The following GREM2 variants were observed in gnomAD, a reference collection of about 807,000 sequenced individuals.
GREM2 encodes gremlin 2, DAN family BMP antagonist, also known as gremlin-2.
GREM2 carries 11 observed loss-of-function variants against 14.2 expected under a neutral mutation model. That is an observed-to-expected ratio of 0.78 (90% confidence interval 0.49 to 1.28). The LOEUF (loss-of-function observed/expected upper bound fraction) is 1.28. GREM2 is among the 50% of genes most tolerant of loss of function. GREM2 has a pLI of 0.00. For missense variants in GREM2, 210 were observed against 218.5 expected (o/e 0.96, Z 0.24); for synonymous variants, 98 against 97.6 (o/e 1.00, Z -0.02).
intron 1 of GREM2, among the ~76,000 whole-genome samples, chr1:240,586,741 G>T (rs892801302): frequency 6.6e-6 from 1 of 152,146 alleles, no homozygotes; most frequent in Non-Finnish European, 1.5e-5. Flanking sequence ...AAAGAGAGTT[G>T]AAAAAGAGTT....
intron 1 of GREM2, among the ~76,000 whole-genome samples, chr1:240,562,947 T>C (rs1679086792): frequency 7.2e-6 from 1 of 139,484 alleles, no homozygotes; most frequent in African/African-American, 3.1e-5. Context: ...AGTGTGTGAG[T>C]GTGTATGTGT....
At chr1:240,533,402 T>C (rs1374390488) in intron 1 of GREM2, among the ~76,000 whole-genome samples, 3 of 152,220 alleles carry the variant, frequency 2.0e-5, no homozygotes, top group Admixed American at 1.3e-4. Flanking sequence ...GCATGATAAA[T>C]ACTTGGAGCT....
chr1:240,534,671 C>T (rs948834324), intron 1 of GREM2, among the ~76,000 whole-genome samples: 4 of 143,184 alleles, frequency 2.8e-5, no homozygotes, highest in Non-Finnish European at 6.0e-5. Flanking sequence ...CCAGCCTGGG[C>T]GACAGAGCGA....
At position 240,597,795 on chromosome 1, in the gene GREM2, G is replaced by A. The variant is rs142270669; in HGVS notation, c.-2+14089C>T. Among the ~76,000 whole-genome samples the A allele has an allele frequency of 1.1e-3, 166 of 152,234 alleles. 1 individual carries two copies. Among genetic ancestry groups the A allele is most frequent in the African/African-American group, 3.8e-3 (157 of 41,564 alleles). Reference sequence around the variant, plus strand: ...CTTTGTTAGATTTTTTAAATTAACAGAGCCTTACTTTCAAATCTCCATGCC... The same window carrying A: ...CTTTGTTAGATTTTTTAAATTAACAAAGCCTTACTTTCAAATCTCCATGCC... On this transcript the variant is annotated intron_variant, in intron 1 of 1. Coordinates refer to ENST00000318160, the MANE Select transcript of GREM2 (RefSeq NM_022469.4).
intron 1 of GREM2, chr1:240,531,651 T>G (rs965730480): frequency 2.1e-5 from 21 of 985,314 alleles, no homozygotes; most frequent in Non-Finnish European, 4.8e-6. Flanking sequence ...GGCGTCTGCC[T>G]GCTCCCTGAC....
intron 1 of GREM2, among the ~76,000 whole-genome samples, chr1:240,591,845 T>G (rs1198904284): frequency 6.6e-6 from 1 of 151,262 alleles, no homozygotes; most frequent in African/African-American, 2.4e-5. Flanking sequence ...GTTTCCTGAT[T>G]TGCTACAAGG....
chr1:240,496,614 T>A (rs1423307942), intron 1 of GREM2, among the ~76,000 whole-genome samples: 2 of 152,208 alleles, frequency 1.3e-5, no homozygotes, highest in African/African-American at 4.8e-5. Flanking sequence ...TGTCTGACTT[T>A]TCTCCTGGGA....
chr1:240,544,427 G>T (rs186954085), intron 1 of GREM2, among the ~76,000 whole-genome samples: 5 of 152,072 alleles, frequency 3.3e-5, no homozygotes, highest in Non-Finnish European at 7.4e-5. Context: ...GATTACAGGC[G>T]TGAGCCACCG....
chr1:240,514,001 T>C (rs1216205697), intron 1 of GREM2, among the ~76,000 whole-genome samples: 1 of 151,986 alleles, frequency 6.6e-6, no homozygotes, highest in African/African-American at 2.4e-5. Context: ...ATCCCAGCAC[T>C]TTGGGCGGCT....
At chr1:240,563,033 A>G (rs1468493007) in intron 1 of GREM2, among the ~76,000 whole-genome samples, 1 of 138,292 alleles carries the variant, frequency 7.2e-6, no homozygotes, top group African/African-American at 2.7e-5. Context: ...TGTGTATATG[A>G]GTGTGTATGT....
At chr1:240,548,926 A>G (rs1678790807) in intron 1 of GREM2, among the ~76,000 whole-genome samples, 1 of 152,248 alleles carries the variant, frequency 6.6e-6, no homozygotes. Context: ...CTACTGAGTA[A>G]TCCAGAAGAA....
chr1:240,504,559 C>G (rs1442630533), intron 1 of GREM2, among the ~76,000 whole-genome samples: 2 of 152,134 alleles, frequency 1.3e-5, no homozygotes, highest in African/African-American at 4.8e-5. Flanking sequence ...AGTGATAGCT[C>G]CCATCCAACC....
At chr1:240,553,267 G>A (rs1191290773) in intron 1 of GREM2, among the ~76,000 whole-genome samples, 1 of 152,232 alleles carries the variant, frequency 6.6e-6, no homozygotes, top group East Asian at 1.9e-4. Context: ...TTGCTTACAA[G>A]GGGAAGCTAG....
At chr1:240,527,110 C>A (rs141027926) in intron 1 of GREM2, among the ~76,000 whole-genome samples, 5 of 152,304 alleles carry the variant, frequency 3.3e-5, no homozygotes, top group Non-Finnish European at 7.4e-5. Flanking sequence ...GGTACGTTGT[C>A]AATGTCAGTA....
intron 1 of GREM2, among the ~76,000 whole-genome samples, chr1:240,541,086 T>C (rs2103325655): frequency 6.6e-6 from 1 of 152,306 alleles, no homozygotes; most frequent in African/African-American, 2.4e-5. Flanking sequence ...AAATTTAATA[T>C]CTTGGCCATA....
intron 1 of GREM2, among the ~76,000 whole-genome samples, chr1:240,549,139 C>T (rs1678794635): frequency 6.6e-6 from 1 of 152,008 alleles, no homozygotes; most frequent in Non-Finnish European, 1.5e-5. Context: ...AGTTCAAAAC[C>T]AGCCCGGCCA....
At chr1:240,531,143 C>T (rs1678349703) in intron 1 of GREM2, among the ~76,000 whole-genome samples, 3 of 152,198 alleles carry the variant, frequency 2.0e-5, no homozygotes, top group Non-Finnish European at 2.9e-5. Flanking sequence ...AAGGAAGACT[C>T]ATATAGAAGA....
chr1:240,495,473 T>A (rs1247001740), intron 1 of GREM2, among the ~76,000 whole-genome samples: 1 of 152,248 alleles, frequency 6.6e-6, no homozygotes, highest in Non-Finnish European at 1.5e-5. Flanking sequence ...ACGTCTTAAA[T>A]ATATCCATGC....
chr1:240,515,735 G>A (rs1677939824), intron 1 of GREM2, among the ~76,000 whole-genome samples: 1 of 152,118 alleles, frequency 6.6e-6, no homozygotes, highest in Non-Finnish European at 1.5e-5. Context: ...GTTCCAGAGA[G>A]GGCAATAAAG....
Sources: allele counts gnomAD v4.1 joint callset (sites outside exome capture counted in the v4.1 genomes callset), GRCh38; gene constraint gnomAD v4.1.1; transcripts MANE v1.5; gene names NCBI Gene and HGNC (gene_info 2026-07-23, HGNC 2026-07-21).